The following FER1L5 variants were observed in gnomAD, a reference collection of about 807,000 sequenced individuals.
FER1L5 encodes the protein fer-1-like protein 5.
A neutral mutation model predicts 279.9 loss-of-function variants in FER1L5; 187 were observed. The ratio of observed to expected loss-of-function variants is 0.67; its 90% CI spans 0.59 to 0.75. FER1L5 has a LOEUF of 0.75. Among genes scored for constraint, FER1L5 ranks in the 30% least tolerant of loss-of-function variants. The probability of loss-of-function intolerance (pLI) is 0.00; values close to 1 mark genes in which losing one functional copy is unlikely to be tolerated. For synonymous variants in FER1L5, 921 were observed against 989.7 expected (o/e 0.93, Z 1.30); for missense variants, 2,091 against 2,594.4 (o/e 0.81, Z 4.21).
At chr2:96,658,504 G>A (rs968587701) in intron 9 of FER1L5, among the ~76,000 whole-genome samples, 4 of 151,786 alleles carry the variant, frequency 2.6e-5, no homozygotes, top group East Asian at 1.9e-4. Context: ...AGCCCGCCTC[G>A]GCCTCCCAAA....
intron 9 of FER1L5, among the ~76,000 whole-genome samples, chr2:96,658,968 C>T (rs1207349700): frequency 5.9e-5 from 9 of 152,004 alleles, no homozygotes; most frequent in African/African-American, 7.2e-5. Flanking sequence ...TTTTTTGGGA[C>T]GGAGTCTCTC....
chr2:96,686,356 A>T lies in FER1L5; in HGVS notation c.2229+6A>T. 6.5e-7 allele frequency: 1 copy of T among 1,549,714 alleles called. No individual in the cohort carries two copies. On this transcript the variant is annotated splice_donor_region_variant and intron_variant, in intron 23 of 52. Transcript: ENST00000624922. ...TACAGACACTCTTCCTACAGGTGGG[A>T]ATCAGGGACTCCTCAGGGGAGGACA...
intron 16 of FER1L5, 37 bp downstream of exon 16, chr2:96,669,005 G>A (rs772856122): frequency 1.6e-5 from 25 of 1,551,504 alleles, no homozygotes; most frequent in East Asian, 1.5e-4. Flanking sequence ...TACACCCCTC[G>A]TCCTGCGCCC....
chr2:96,664,353 C>T (rs150224034), intron 14 of FER1L5, among the ~76,000 whole-genome samples: 1 of 152,274 alleles, frequency 6.6e-6, no homozygotes, highest in African/African-American at 2.4e-5. Context: ...TATTCCACCC[C>T]CTCCCATCCC....
chr2:96,669,124 A>T lies in FER1L5; in HGVS notation c.1349A>T (p.Gln450Leu). 6.4e-7 allele frequency: 1 copy of T among 1,551,628 alleles called. No homozygotes were observed. Among genetic ancestry groups the T allele is most frequent in the Non-Finnish European group, 8.7e-7 (1 of 1,146,982 alleles). The change falls in exon 17 of 53, where the codon CAG (glutamine) becomes CTG (leucine). Residue 450 changes from glutamine (Q) to leucine (L), a missense_variant. Coordinates refer to ENST00000624922, the MANE Select transcript of FER1L5 (RefSeq NM_001293083.2). ...GGTAAAAAGGCCCCTTTCAGGATCC[A>T]GGAAGAAGGCGCTGTAAGCTTCTCA... ...HGGKKAPFRI[Q>L]EEGACIPDSV...
chr2:96,692,047 CAG>C, intron 30 of FER1L5, 55 bp from the exon 31 acceptor site: 1 of 1,547,750 alleles, frequency 6.5e-7, no homozygotes, highest in Non-Finnish European at 8.7e-7. Flanking sequence ...TGGGGGCAGT[CAG>C]AGGGAGCCGC....
At chr2:96,686,165 G>T in intron 22 of FER1L5, 30 bp from the exon 23 acceptor site, 5 of 1,547,900 alleles carry the variant, frequency 3.2e-6, no homozygotes, top group Non-Finnish European at 3.5e-6. Flanking sequence ...AGCCAGCCGC[G>T]CAGGGCCTGA....
rs1196824517 is a variant in FER1L5, at chr2:96,644,520, G to A, written c.85+1599G>A. Among the ~76,000 whole-genome samples the A allele has an allele frequency of 2.6e-5, 4 of 151,684 alleles. No homozygotes were observed. The South Asian group carries it at 8.3e-4, about 32-fold the overall frequency. On this transcript the variant is annotated intron_variant, in intron 1 of 52. Coordinates refer to ENST00000624922, the MANE Select transcript of FER1L5 (RefSeq NM_001293083.2). ...GAGAAAGAGAGAGAGAGAGAGAAGT[G>A]TAGAGAAAAGAGAAAAAAAGGTGAA...
Position 96,693,600 on chromosome 2 carries a change from C to G in FER1L5, c.3387C>G (p.Phe1129Leu), listed in dbSNP as rs1274903358. The G allele has an allele frequency of 1.3e-6, 2 of 1,551,726 alleles. No individual in the cohort carries two copies. Among genetic ancestry groups the G allele is most frequent in the Admixed American group, 3.9e-5 (2 of 51,008 alleles). Residue 1129 changes from phenylalanine (F) to leucine (L), a missense_variant, in exon 32 of 53, where the codon TTC becomes TTG. By Grantham distance (22) the Phe-to-Leu change is conservative. Coordinates refer to ENST00000624922, the MANE Select transcript of FER1L5 (RefSeq NM_001293083.2). ...CCACATGGGCCCAGACACTCATCTT[C>G]CAGCACCTCCTTCTGTACGAGAACC... is the stretch of plus-strand genomic sequence containing the variant. ...AGPTWAQTLI[F>L]QHLLLYENPQ...
Position 96,702,011 on chromosome 2 carries a change from C to G in FER1L5, c.5127C>G (p.Pro1709=). 10 of 1,614,004 alleles carry G rather than the reference C, an allele frequency of 6.2e-6. No individual in the cohort carries two copies. The highest frequency in any genetic ancestry group is 2.2e-5 in the East Asian group (1 of 44,884). ...CCAAGAAGCTGGGGCCTCCTGGCCC[C>G]CAAGTCAACATCAACCCCAGAAAGC... is the stretch of plus-strand genomic sequence containing the variant. ...IFPKKLGPPG[P]QVNINPRKPK... Residue 1709 remains proline (P), a synonymous_variant, in exon 46 of 53, where the codon CCC becomes CCG. Transcript: ENST00000624922. The surrounding 1 kb of genome is among the most constrained non-coding windows in gnomAD (Gnocchi z 4.0).
intron 9 of FER1L5, among the ~76,000 whole-genome samples, chr2:96,658,078 G>A (rs908952754): frequency 4.6e-5 from 7 of 151,388 alleles, no homozygotes; most frequent in African/African-American, 1.5e-4. Flanking sequence ...GTGCAATGGC[G>A]TGATCTCGGC....
chr2:96,663,336 G>A lies in FER1L5; in HGVS notation c.1072-103G>A. ...CAGGGATTAGCCCAAGCACCTCTGT[G>A]CTGTGGTGTCCACTGGGAGGCTGGA... On this transcript the variant is annotated intron_variant, in intron 13 of 52. Transcript: ENST00000624922. 2 of 1,064,286 alleles carry A rather than the reference G, an allele frequency of 1.9e-6. 1 individual carries two copies. The allele number at this position is 1,064,286 out of a possible 1,614,324, so 65.9% of individuals were successfully genotyped here.
chr2:96,697,965 G>C, intron 39 of FER1L5, 72 bp from the exon 40 acceptor site: 1 of 1,517,060 alleles, frequency 6.6e-7, no homozygotes, highest in Non-Finnish European at 8.9e-7. Context: ...TGAGACCTGG[G>C]AGCTGGTGGT....
intron 19 of FER1L5, among the ~76,000 whole-genome samples, chr2:96,674,032 A>C (rs1054516698): frequency 6.6e-6 from 1 of 152,220 alleles, no homozygotes; most frequent in African/African-American, 2.4e-5. Context: ...ATAATTCACA[A>C]GCCATACAAT....
chr2:96,699,495 G>C (rs1276267550), intron 42 of FER1L5, 55 bp from the exon 43 acceptor site: 21 of 1,560,398 alleles, frequency 1.3e-5, no homozygotes, highest in Admixed American at 5.3e-5. Flanking sequence ...GGTGAGGGAG[G>C]GGGGCACAGA....
chr2:96,696,827 C>T (rs1475363061), intron 37 of FER1L5, among the ~76,000 whole-genome samples: 3 of 152,158 alleles, frequency 2.0e-5, no homozygotes, highest in Non-Finnish European at 4.4e-5. Context: ...ATCGCTTGAA[C>T]CCCAGAGGTG....
chr2:96,680,284 C>G (rs539919894), intron 19 of FER1L5, among the ~76,000 whole-genome samples: 19 of 151,980 alleles, frequency 1.3e-4, no homozygotes, highest in Non-Finnish European at 2.1e-4. Context: ...AGGCATGCAT[C>G]TCTGCTTATT....
chr2:96,646,025 G>C (rs1036035306), intron 1 of FER1L5, among the ~76,000 whole-genome samples: 1 of 120,396 alleles, frequency 8.3e-6, no homozygotes, highest in Non-Finnish European at 1.6e-5. Flanking sequence ...TTGTGACAGA[G>C]TCTTGCTCTG....
Position 96,672,660 on chromosome 2 carries a change from A to ATGTGTGTG in FER1L5, c.1492-397_1492-390dup, listed in dbSNP as rs140636948. On this transcript the variant is annotated intron_variant, in intron 18 of 52. Coordinates refer to ENST00000624922, the MANE Select transcript of FER1L5 (RefSeq NM_001293083.2). ...AGGTTCAACCTTTCTGGGAGTATGAATGTGTGTGTGTGTGTGTGTGTGTGT... is the reference window on the plus strand; with the variant it reads ...AGGTTCAACCTTTCTGGGAGTATGAATGTGTGTGTGTGTGTGTGTGTGTGTGTGTGTGT... Among the ~76,000 whole-genome samples, 120 of 148,270 alleles carry ATGTGTGTG rather than the reference A, an allele frequency of 8.1e-4. 1 individual carries two copies. In the Middle Eastern group the frequency reaches 0.028, roughly 35 times the overall value.
Sources: gnomAD v4.1 joint callset for allele counts (sites outside exome capture counted in the v4.1 genomes callset) on GRCh38, gnomAD v4.1.1 for gene constraint, Gnocchi (gnomAD v3.1) non-coding constraint, MANE v1.5 for transcripts, NCBI Gene and HGNC (gene_info 2026-07-23, HGNC 2026-07-21) for gene names.